Variants in EYS observed in about 807,000 individuals in gnomAD.
EYS encodes the protein EGF-like photoreceptor maintenance factor, also known as protein eyes shut homolog.
A neutral mutation model predicts 282.1 loss-of-function variants in EYS; 250 were observed. That is an observed-to-expected ratio of 0.89 (90% CI 0.80 to 0.98). The LOEUF (loss-of-function observed/expected upper bound fraction) is 0.98. Among genes scored for constraint, EYS ranks in the 50% least tolerant of loss-of-function variants. EYS has a pLI of 0.00. For missense variants in EYS, 4,016 were observed against 3,709.0 expected (o/e 1.08, Z -2.15); for synonymous variants, 1,355 against 1,282.9 (o/e 1.06, Z -1.20).
intron 31 of EYS, among the ~76,000 whole-genome samples, chr6:64,153,203 G>A (rs979005467): frequency 6.6e-6 from 1 of 152,164 alleles, no homozygotes; most frequent in African/African-American, 2.4e-5. Context: ...TAGCCACTGA[G>A]ATGTTAAATT....
chr6:64,021,600 G>A (rs544718639), intron 33 of EYS, among the ~76,000 whole-genome samples: 1 of 152,240 alleles, frequency 6.6e-6, no homozygotes, highest in Non-Finnish European at 1.5e-5. Context: ...GGAACAATGG[G>A]ACATGGTTTT....
chr6:64,744,427 G>A (rs1772483706), intron 22 of EYS, among the ~76,000 whole-genome samples: 1 of 152,116 alleles, frequency 6.6e-6, no homozygotes, highest in Non-Finnish European at 1.5e-5. Flanking sequence ...CTTATCACCT[G>A]CCCAATATTG....
At chr6:64,904,434 C>T (rs1188814140) in intron 16 of EYS, among the ~76,000 whole-genome samples, 2 of 152,194 alleles carry the variant, frequency 1.3e-5, no homozygotes, top group Admixed American at 1.3e-4. Context: ...CAACATGCTT[C>T]ATCATTCTTC....
At chr6:64,663,274 T>G (rs1583013938) in intron 22 of EYS, among the ~76,000 whole-genome samples, 1 of 152,124 alleles carries the variant, frequency 6.6e-6, no homozygotes, top group Admixed American at 6.6e-5. Flanking sequence ...TAAGGGAAAA[T>G]TGCTCAGTTT....
At chr6:64,703,410 C>T (rs866197938) in intron 22 of EYS, among the ~76,000 whole-genome samples, 2,381 of 51,586 alleles carry the variant, frequency 0.046, 182 homozygotes, top group East Asian at 0.15. Flanking sequence ...CACACACACA[C>T]ATATATATAT....
At chr6:64,949,912 C>T (rs1399176489) in intron 14 of EYS, among the ~76,000 whole-genome samples, 5 of 151,916 alleles carry the variant, frequency 3.3e-5, no homozygotes, top group South Asian at 2.1e-4. Context: ...CTTAGCCTAG[C>T]GACAAATAAT....
intron 31 of EYS, among the ~76,000 whole-genome samples, chr6:64,208,760 A>G (rs181680509): frequency 5.9e-5 from 9 of 152,278 alleles, no homozygotes; most frequent in African/African-American, 2.2e-4. Context: ...TTAAGATATT[A>G]TATTTGTGAC....
intron 31 of EYS, among the ~76,000 whole-genome samples, chr6:64,208,361 T>C (rs1765668938): frequency 6.6e-6 from 1 of 152,232 alleles, no homozygotes; most frequent in South Asian, 2.1e-4. Flanking sequence ...ATGTATTTTA[T>C]TACATTGTTA....
At chr6:65,167,765 G>C (rs906384735) in intron 12 of EYS, among the ~76,000 whole-genome samples, 1 of 151,212 alleles carries the variant, frequency 6.6e-6, no homozygotes, top group African/African-American at 2.4e-5. Context: ...CCAAGTGCCT[G>C]TATTTTATAC....
intron 41 of EYS, among the ~76,000 whole-genome samples, chr6:63,755,020 C>T (rs1228879494): frequency 2.0e-5 from 3 of 151,976 alleles, no homozygotes; most frequent in Admixed American, 2.0e-4. Flanking sequence ...TTCCTTTGCC[C>T]ACTTTTTGAT....
chr6:64,186,163 G>T (rs1376154065), intron 31 of EYS, among the ~76,000 whole-genome samples: 1 of 152,008 alleles, frequency 6.6e-6, no homozygotes, highest in Non-Finnish European at 1.5e-5. Context: ...TTGTGAATGT[G>T]CATCTAAGGT....
intron 31 of EYS, among the ~76,000 whole-genome samples, chr6:64,140,521 C>T (rs1030126459): frequency 2.0e-5 from 3 of 152,114 alleles, no homozygotes; most frequent in African/African-American, 7.2e-5. Flanking sequence ...GTAATATTAC[C>T]TTCTGATGAC....
At chr6:65,124,999 G>A (rs1775676742) in intron 12 of EYS, among the ~76,000 whole-genome samples, 1 of 152,132 alleles carries the variant, frequency 6.6e-6, no homozygotes, top group Non-Finnish European at 1.5e-5. Flanking sequence ...TAAAATCTCC[G>A]TGAATCCATC....
At chr6:64,954,201 C>T (rs575002475) in intron 14 of EYS, among the ~76,000 whole-genome samples, 6 of 151,794 alleles carry the variant, frequency 4.0e-5, no homozygotes, top group African/African-American at 1.4e-4. Context: ...ATTTAGTTCT[C>T]TTACGGCATG....
At chr6:65,285,610 G>A (rs1027128747) in intron 12 of EYS, among the ~76,000 whole-genome samples, 5 of 151,840 alleles carry the variant, frequency 3.3e-5, no homozygotes, top group African/African-American at 1.2e-4. Flanking sequence ...GCTTTTGGAG[G>A]CTGTTTATAT....
At chr6:64,983,387 C>T (rs549285771) in intron 14 of EYS, among the ~76,000 whole-genome samples, 9 of 151,064 alleles carry the variant, frequency 6.0e-5, no homozygotes, top group South Asian at 2.1e-4. Context: ...ATAAGAAATG[C>T]GGGAGCATAT....
At chr6:64,462,947 T>TG (rs1562009102) in intron 26 of EYS, among the ~76,000 whole-genome samples, 4 of 84,204 alleles carry the variant, frequency 4.8e-5, no homozygotes, top group Non-Finnish European at 1.2e-4. Context: ...CTTTAATTTT[T>TG]TTTTTTTTTT....
intron 9 of EYS, among the ~76,000 whole-genome samples, chr6:65,350,534 C>A (rs1221233633): frequency 1.3e-5 from 2 of 151,624 alleles, no homozygotes; most frequent in Middle Eastern, 3.4e-3. Context: ...CTTGGATAAG[C>A]AAACTGAAAT....
At chr6:64,072,900 TA>T in intron 32 of EYS, among the ~76,000 whole-genome samples, 1 of 152,014 alleles carries the variant, frequency 6.6e-6, no homozygotes, top group Non-Finnish European at 1.5e-5. Flanking sequence ...GTGCCATATG[TA>T]CAAGGTTTGT....
Sources: allele counts gnomAD v4.1 joint callset (sites outside exome capture counted in the v4.1 genomes callset), GRCh38; gene constraint gnomAD v4.1.1; transcripts MANE v1.5; gene names NCBI Gene and HGNC (gene_info 2026-07-23, HGNC 2026-07-21).